Variants in UBE2K observed in about 807,000 individuals in gnomAD.
UBE2K encodes ubiquitin-conjugating enzyme E2 K.
UBE2K carries 6 observed loss-of-function variants against 30.0 expected under a neutral mutation model. The observed-to-expected ratio is 0.20, with a 90% confidence interval of 0.11 to 0.39. The LOEUF is 0.39. UBE2K is among the 10% of genes least tolerant of loss of function. The pLI, the probability that UBE2K is intolerant of heterozygous loss-of-function variation, is 1.00. For synonymous variants in UBE2K, 86 were observed against 83.7 expected (o/e 1.03, Z -0.15); for missense variants, 61 against 241.6 (o/e 0.25, Z 4.96).
rs372017743 is a variant in UBE2K at position 39,772,691 on chromosome 4, C to CTT, written c.300-2130_300-2129dup. On this transcript the variant is annotated intron_variant, in intron 4 of 6. Coordinates refer to ENST00000261427, the MANE Select transcript of UBE2K (RefSeq NM_005339.5). ...ATACCTCTATTAATTGATAAAGCAA[C>CTT]TTTTTTTTTTTTTTGAGATGGAGTC... Among the ~76,000 whole-genome samples, 890 of 145,628 alleles carry CTT rather than the reference C, an allele frequency of 6.1e-3. 18 individuals carry two copies. The highest frequency in any genetic ancestry group is 0.019 in the African/African-American group (750 of 39,528).
chr4:39,729,126 G>T lies in UBE2K; in HGVS notation c.64-8294G>T, dbSNP rs534656605. ...TGGGATTACAGGCACGCACCACCAT[G>T]CCCCCAGCTAATTTTTGTATTTTTA... On this transcript the variant is annotated intron_variant, in intron 1 of 6. Transcript: ENST00000261427. 6.6e-5 allele frequency among the ~76,000 whole-genome samples: 10 copies of T among 151,674 alleles called. No homozygotes were observed. In the East Asian group the frequency reaches 7.8e-4, roughly 12 times the overall value.
intron 2 of UBE2K, among the ~76,000 whole-genome samples, chr4:39,737,931 C>A (rs1421379759): frequency 2.0e-5 from 3 of 152,098 alleles, no homozygotes; most frequent in African/African-American, 7.2e-5. Flanking sequence ...GCATTTCATT[C>A]ACTCATGTCT....
chr4:39,731,238 C>T (rs1560354231), intron 1 of UBE2K, among the ~76,000 whole-genome samples: 1 of 46,050 alleles, frequency 2.2e-5, no homozygotes, highest in Non-Finnish European at 3.6e-5. Flanking sequence ...TTTAAATTTA[C>T]ATAGTGGCTT....
intron 2 of UBE2K, among the ~76,000 whole-genome samples, chr4:39,740,270 G>A (rs1720620944): frequency 6.6e-6 from 1 of 151,910 alleles, no homozygotes; most frequent in South Asian, 2.1e-4. Context: ...TTTTTTCATT[G>A]ATTTTTATAA....
chr4:39,734,596 A>C (rs1285290513), intron 1 of UBE2K, among the ~76,000 whole-genome samples: 1 of 152,094 alleles, frequency 6.6e-6, no homozygotes, highest in Admixed American at 6.6e-5. Context: ...GGATCACTTG[A>C]GCCCAGGAGT....
chr4:39,770,340 A>G, intron 4 of UBE2K: 2 of 1,613,402 alleles, frequency 1.2e-6, no homozygotes, highest in Non-Finnish European at 1.7e-6. Flanking sequence ...GTGGTGGTTG[A>G]GGTTGTTGCT....
intron 1 of UBE2K, among the ~76,000 whole-genome samples, chr4:39,700,570 G>A (rs1474877478): frequency 1.3e-5 from 2 of 152,118 alleles, no homozygotes; most frequent in African/African-American, 4.8e-5. Context: ...TTCTATAAGT[G>A]TATTGTTATT....
chr4:39,772,148 T>C (rs1712926826), intron 4 of UBE2K, among the ~76,000 whole-genome samples: 1 of 152,118 alleles, frequency 6.6e-6, no homozygotes, highest in Admixed American at 6.5e-5. Context: ...AAATTAACTT[T>C]TATCGTAGGC....
At chr4:39,728,404 G>A (rs1164537653) in intron 1 of UBE2K, among the ~76,000 whole-genome samples, 1 of 152,166 alleles carries the variant, frequency 6.6e-6, no homozygotes, top group African/African-American at 2.4e-5. Flanking sequence ...TAGCTCAGAG[G>A]TTTGAGGCAG....
intron 4 of UBE2K, among the ~76,000 whole-genome samples, chr4:39,764,333 C>T (rs141298392): frequency 3.6e-4 from 55 of 152,154 alleles, no homozygotes; most frequent in Non-Finnish European, 6.3e-4. Flanking sequence ...AAAGTGACAA[C>T]GTTTTCTCTT....
At chr4:39,712,194 C>A (rs1718733694) in intron 1 of UBE2K, among the ~76,000 whole-genome samples, 1 of 130,216 alleles carries the variant, frequency 7.7e-6, no homozygotes, top group South Asian at 2.5e-4. Context: ...GCACCGACAA[C>A]CTTTTTTTTT....
intron 1 of UBE2K, among the ~76,000 whole-genome samples, chr4:39,735,441 C>T (rs1228099088): frequency 6.6e-6 from 1 of 152,182 alleles, no homozygotes; most frequent in East Asian, 1.9e-4. Context: ...AGTGCAGTGG[C>T]GTGATCTCGG....
chr4:39,726,292 G>A (rs1719747544), intron 1 of UBE2K, among the ~76,000 whole-genome samples: 3 of 151,738 alleles, frequency 2.0e-5, no homozygotes, highest in African/African-American at 4.8e-5. Context: ...CATCGTGCCT[G>A]GCCTGTTTTT....
chr4:39,727,606 G>A (rs2109336095), intron 1 of UBE2K, among the ~76,000 whole-genome samples: 1 of 151,332 alleles, frequency 6.6e-6, no homozygotes, highest in South Asian at 2.1e-4. Flanking sequence ...TAAGGATAGA[G>A]ATGGGCTGGT....
intron 1 of UBE2K, among the ~76,000 whole-genome samples, chr4:39,731,742 C>T (rs151073019): frequency 0.011 from 1,711 of 152,098 alleles, 39 homozygotes; most frequent in African/African-American, 0.039. Flanking sequence ...AAAGATAAGT[C>T]ATTTATATTA....
chr4:39,712,700 G>A (rs1238331636), intron 1 of UBE2K, among the ~76,000 whole-genome samples: 1 of 151,912 alleles, frequency 6.6e-6, no homozygotes, highest in Non-Finnish European at 1.5e-5. Flanking sequence ...GATTACAGGC[G>A]TGAGCCACCG....
chr4:39,774,753 T>C, intron 4 of UBE2K, 81 bp from the exon 5 acceptor site: 1 of 769,392 alleles, frequency 1.3e-6, no homozygotes, highest in Non-Finnish European at 1.8e-6. Flanking sequence ...CTCTACAATT[T>C]TTTAATTTTT....
chr4:39,741,508 T>A (rs1047046525), intron 2 of UBE2K, among the ~76,000 whole-genome samples: 1 of 152,188 alleles, frequency 6.6e-6, no homozygotes, highest in African/African-American at 2.4e-5. Context: ...GATGTTGCAG[T>A]TTTTTGAGTT....
intron 1 of UBE2K, among the ~76,000 whole-genome samples, chr4:39,716,678 TAGTG>T (rs1479415896): frequency 6.6e-6 from 1 of 152,108 alleles, no homozygotes; most frequent in Non-Finnish European, 1.5e-5. Flanking sequence ...CTGGGCAACA[TAGTG>T]AGACCCTGTT....
Sources: allele counts gnomAD v4.1 joint callset (sites outside exome capture counted in the v4.1 genomes callset), GRCh38; gene constraint gnomAD v4.1.1; transcripts MANE v1.5; gene names NCBI Gene and HGNC (gene_info 2026-07-23, HGNC 2026-07-21).